Variants in AP1G1 observed in about 807,000 individuals in gnomAD.
AP1G1 encodes the protein adaptor related protein complex 1 subunit gamma 1, also known as AP-1 complex subunit gamma-1.
AP1G1 carries 7 observed loss-of-function variants against 108.3 expected under a neutral mutation model. That is an observed-to-expected ratio of 0.06 (90% confidence interval 0.04 to 0.12). The LOEUF (loss-of-function observed/expected upper bound fraction) is 0.12, where lower values mean the gene tolerates loss of function less well. Ranked by LOEUF, AP1G1 falls within the 10% of genes least tolerant of loss-of-function variation. The pLI, the probability that AP1G1 is intolerant of heterozygous loss-of-function variation, is 1.00. For missense variants in AP1G1, 756 were observed against 1,010.7 expected (o/e 0.75, Z 3.42); for synonymous variants, 379 against 353.5 (o/e 1.07, Z -0.81).
intron 17 of AP1G1, among the ~76,000 whole-genome samples, chr16:71,746,258 C>T (rs1282795872): frequency 6.6e-5 from 10 of 152,224 alleles, no homozygotes; most frequent in Admixed American, 4.6e-4. Flanking sequence ...GATCTGCCCG[C>T]CTCGGCCTCC....
rs143503859 is a variant in AP1G1 at position 71,753,854 on chromosome 16, T to C, written c.1263A>G (p.Thr421=). ...YAPSKRWHID[T]IMRVLTTAGS... The stretch of plus-strand genomic sequence containing the variant: ...TTACCGTTGTCAAAACACGCATAAT[T>C]GTGTCTATATGCCATCGTTTGGAAG... Residue 421 remains threonine, a synonymous_variant, in exon 13 of 23, where the codon ACA becomes ACG. Coordinates refer to ENST00000299980, the MANE Select transcript of AP1G1 (RefSeq NM_001128.6). 6.2e-7 allele frequency: 1 copy of C among 1,614,102 alleles called. No individual in the cohort carries two copies. The highest frequency in any genetic ancestry group is 1.3e-5 in the African/African-American group (1 of 75,028).
chr16:71,734,747 C>T, intron 21 of AP1G1, 40 bp from the exon 22 acceptor site: 2 of 1,530,640 alleles, frequency 1.3e-6, no homozygotes, highest in African/African-American at 1.4e-5. Context: ...AAAAGAATTA[C>T]ACAACGCTAG....
At chr16:71,800,124 G>C (rs975455816) in intron 1 of AP1G1, among the ~76,000 whole-genome samples, 3 of 151,000 alleles carry the variant, frequency 2.0e-5, no homozygotes, top group African/African-American at 7.3e-5. Flanking sequence ...CAGCACTTTG[G>C]GAGGCCGAGG....
At chr16:71,737,435 C>A (rs2045563937) in intron 21 of AP1G1, among the ~76,000 whole-genome samples, 1 of 152,160 alleles carries the variant, frequency 6.6e-6, no homozygotes, top group Non-Finnish European at 1.5e-5. Context: ...AGGCACGCAC[C>A]ATTGCACCTG....
intron 1 of AP1G1, among the ~76,000 whole-genome samples, chr16:71,806,482 G>A (rs1199007810): frequency 1.3e-5 from 2 of 152,152 alleles, no homozygotes; most frequent in Non-Finnish European, 2.9e-5. Context: ...GGGCTCAAGG[G>A]ATCCACCTTC....
chr16:71,732,054 AG>A lies in AP1G1; in HGVS notation c.*1003del, dbSNP rs2045480340. ...CAATACTCACTCTTCCTAAGGGCAA[AG>A]GTACTTTTGATACAGAGTCTGATCT... On this transcript the variant is annotated 3_prime_UTR_variant, in exon 23 of 23. Coordinates refer to ENST00000299980, the MANE Select transcript of AP1G1 (RefSeq NM_001128.6). The A allele has an allele frequency of 6.6e-6, 1 of 152,470 alleles. No homozygotes were observed. Among genetic ancestry groups the A allele is most frequent in the African/African-American group, 2.4e-5 (1 of 41,460 alleles). The allele number at this position is 152,470 out of a possible 1,614,324, so 9.4% of individuals were successfully genotyped here.
intron 18 of AP1G1, 45 bp downstream of exon 18, chr16:71,745,428 T>C (rs752018931): frequency 2.4e-5 from 38 of 1,613,362 alleles, no homozygotes; most frequent in Non-Finnish European, 3.1e-5. Flanking sequence ...TAAGGGACTA[T>C]AAAATCGTAA....
rs188134216 is a variant in AP1G1, at chr16:71,794,298, G to T, written c.-3-4816C>A. Among the ~76,000 whole-genome samples the T allele has an allele frequency of 7.9e-5, 12 of 152,054 alleles. No individual in the cohort carries two copies. The East Asian group carries it at 2.3e-3, about 29-fold the overall frequency. On this transcript the variant is annotated intron_variant, in intron 1 of 22. Transcript: ENST00000299980. Reference sequence around the variant, plus strand: ...ACCACTTACATTTAGTATTTCGATGGTTTCACTCTATGCTTAAGTGTTCCA... The same window carrying T: ...ACCACTTACATTTAGTATTTCGATGTTTTCACTCTATGCTTAAGTGTTCCA...
intron 21 of AP1G1, among the ~76,000 whole-genome samples, chr16:71,737,933 A>G (rs964033035): frequency 6.6e-6 from 1 of 152,274 alleles, no homozygotes; most frequent in Non-Finnish European, 1.5e-5. Flanking sequence ...TTTCTGTACT[A>G]TAAGAGCAGA....
chr16:71,808,160 G>A (rs996640246), intron 1 of AP1G1: 344 of 1,140,150 alleles, frequency 3.0e-4, no homozygotes, highest in Non-Finnish European at 3.6e-4. Flanking sequence ...GCTGAGAAAA[G>A]GGTAAACAGT....
At chr16:71,741,547 C>T (rs1259883895) in intron 19 of AP1G1, among the ~76,000 whole-genome samples, 2 of 152,184 alleles carry the variant, frequency 1.3e-5, no homozygotes, top group Non-Finnish European at 2.9e-5. Flanking sequence ...CACACCATTG[C>T]ACTCCAGCCT....
chr16:71,786,814 G>A (rs2032220741), intron 2 of AP1G1, among the ~76,000 whole-genome samples: 1 of 152,026 alleles, frequency 6.6e-6, no homozygotes, highest in African/African-American at 2.4e-5. Flanking sequence ...TGTAATCTCA[G>A]TACTTTGAGA....
Position 71,731,643 on chromosome 16 carries a change from A to C in AP1G1, c.*1415T>G, listed in dbSNP as rs1444611621. ...ACCTCTACTTCATTCCAGCAACTCA[A>C]TTTCAAAGTTTGATAACATATGGGT... is the stretch of plus-strand genomic sequence containing the variant. On this transcript the variant is annotated 3_prime_UTR_variant, in exon 23 of 23. Coordinates refer to ENST00000299980, the MANE Select transcript of AP1G1 (RefSeq NM_001128.6). 2 of 152,522 alleles carry C rather than the reference A, an allele frequency of 1.3e-5. No homozygotes were observed. The highest frequency in any genetic ancestry group is 2.9e-5 in the Non-Finnish European group (2 of 68,022). 9.4% of individuals were successfully genotyped at this position (152,522 alleles called of 1,614,324 possible). A position where few individuals can be genotyped will look rare whatever the true frequency, so the allele number is the denominator to read the frequency against.
At chr16:71,735,859 G>A (rs576235687) in intron 21 of AP1G1, among the ~76,000 whole-genome samples, 1 of 151,648 alleles carries the variant, frequency 6.6e-6, no homozygotes, top group African/African-American at 2.4e-5. Context: ...ATATTACACT[G>A]GGGGCTGGGC....
chr16:71,797,746 C>T (rs2032638188), intron 1 of AP1G1, among the ~76,000 whole-genome samples: 1 of 152,096 alleles, frequency 6.6e-6, no homozygotes, highest in Non-Finnish European at 1.5e-5. Context: ...TTGCAGTGAC[C>T]TGAGATCGTG....
rs10551804 is a variant in AP1G1, at chr16:71,788,657, CT to C, written c.201+621del. Among the ~76,000 whole-genome samples the C allele has an allele frequency of 5.4e-3, 809 of 150,248 alleles. 8 individuals carry two copies. Among genetic ancestry groups the C allele is most frequent in the African/African-American group, 0.018 (719 of 40,914 alleles). The stretch of plus-strand genomic sequence containing the variant: ...AGCAATTAAGAAGACATTTAGCAAG[CT>C]TTTTTTTTTAAAAAAAAAAGAAATA... On this transcript the variant is annotated intron_variant, in intron 2 of 22. Coordinates refer to ENST00000299980, the MANE Select transcript of AP1G1 (RefSeq NM_001128.6).
Position 71,732,797 on chromosome 16 carries a change from G to A in AP1G1, c.*261C>T. On this transcript the variant is annotated 3_prime_UTR_variant, in exon 23 of 23. Coordinates refer to ENST00000299980, the MANE Select transcript of AP1G1 (RefSeq NM_001128.6). ...TTGATTCTGGCTGTAAATGTGGGAG[G>A]GGTGGAGAAGTGCGGAAAAAGGAGA... 1 of 357,742 alleles carries A rather than the reference G, an allele frequency of 2.8e-6. No individual in the cohort carries two copies. The highest frequency in any genetic ancestry group is 5.1e-6 in the Non-Finnish European group (1 of 196,400). The allele number at this position is 357,742 out of a possible 1,614,324, so 22.2% of individuals were successfully genotyped here.
At chr16:71,802,734 A>AGAATAAATAAAT (rs1439237848) in intron 1 of AP1G1, among the ~76,000 whole-genome samples, 1 of 151,548 alleles carries the variant, frequency 6.6e-6, no homozygotes, top group Non-Finnish European at 1.5e-5. Flanking sequence ...TGTCTCAAAA[A>AGAATAAATAAAT]AAAAATTCGT....
chr16:71,734,678 G>C lies in AP1G1; in HGVS notation c.2298C>G (p.Ser766Arg). The C allele has an allele frequency of 6.2e-7, 1 of 1,614,100 alleles. No individual in the cohort carries two copies. Among genetic ancestry groups the C allele is most frequent in the Non-Finnish European group, 8.5e-7 (1 of 1,179,962 alleles). ...KTFQLQLLSPSSSIVPAFNTG... is the reference protein window; with the variant it reads ...KTFQLQLLSPRSSIVPAFNTG... ...TGTTAAATGCTGGGACAATGCTGCT[G>C]CTAGGAGACAAGAGCTGCAGCTGGA... Residue 766 changes from serine (S) to arginine (R), a missense_variant, in exon 22 of 23, where the codon AGC becomes AGG. Transcript: ENST00000299980.
Sources: allele counts gnomAD v4.1 joint callset (sites outside exome capture counted in the v4.1 genomes callset), GRCh38; gene constraint gnomAD v4.1.1; transcripts MANE v1.5; gene names NCBI Gene and HGNC (gene_info 2026-07-23, HGNC 2026-07-21).